GALNTL6: variants seen among roughly 807,000 people sequenced by gnomAD.
The protein encoded by GALNTL6 is polypeptide N-acetylgalactosaminyltransferase like 6.
In GALNTL6, 46 loss-of-function variants were observed where a neutral mutation model predicts 73.7. That is an observed-to-expected ratio of 0.62 (90% CI 0.49 to 0.80). GALNTL6 has a LOEUF of 0.80. Among genes scored for constraint, GALNTL6 ranks in the 30% least tolerant of loss-of-function variants. The pLI, the probability that GALNTL6 is intolerant of heterozygous loss-of-function variation, is 0.00. For synonymous variants in GALNTL6, 259 were observed against 263.7 expected, an observed-to-expected ratio of 0.98 and a Z score of 0.17; for missense variants, 604 against 755.0, an observed-to-expected ratio of 0.80 and a Z score of 2.34.
intron 2 of GALNTL6, among the ~76,000 whole-genome samples, chr4:171,899,236 C>T (rs1435204452): frequency 6.6e-6 from 1 of 151,122 alleles, no homozygotes; most frequent in South Asian, 2.1e-4. Context: ...TTTGTGTTAC[C>T]CTATGGCAAA....
chr4:172,891,638 A>T (rs779932323), intron 8 of GALNTL6, among the ~76,000 whole-genome samples: 18 of 152,104 alleles, frequency 1.2e-4, no homozygotes, highest in Non-Finnish European at 2.4e-4. Context: ...CTTGTATAGT[A>T]TCTTGCAGGA....
chr4:172,034,223 CA>C (rs1741857917), intron 2 of GALNTL6, among the ~76,000 whole-genome samples: 1 of 152,066 alleles, frequency 6.6e-6, no homozygotes, highest in Non-Finnish European at 1.5e-5. Context: ...CCTGAGTTCT[CA>C]AAGTGCTCTG....
chr4:172,979,044 T>C (rs1454019557), intron 10 of GALNTL6, among the ~76,000 whole-genome samples: 2 of 152,258 alleles, frequency 1.3e-5, no homozygotes, highest in African/African-American at 4.8e-5. Context: ...GTCTGGTACA[T>C]GACGAGTAAT....
At chr4:172,134,847 G>T (rs1225216044) in intron 2 of GALNTL6, among the ~76,000 whole-genome samples, 1 of 152,176 alleles carries the variant, frequency 6.6e-6, no homozygotes, top group African/African-American at 2.4e-5. Context: ...CATGTGGCTT[G>T]TCCCTCCTCT....
intron 5 of GALNTL6, among the ~76,000 whole-genome samples, chr4:172,740,226 C>T (rs1047743193): frequency 5.9e-5 from 9 of 152,072 alleles, no homozygotes; most frequent in African/African-American, 1.4e-4. Context: ...GAAAAACAGA[C>T]ACCACACCAG....
chr4:172,175,466 T>C (rs894222181), intron 2 of GALNTL6, among the ~76,000 whole-genome samples: 9 of 152,042 alleles, frequency 5.9e-5, no homozygotes, highest in Non-Finnish European at 1.0e-4. Context: ...GATTGTGAGA[T>C]GGAAATAAGA....
At chr4:172,224,482 A>C (rs1007904951) in intron 2 of GALNTL6, among the ~76,000 whole-genome samples, 11 of 152,236 alleles carry the variant, frequency 7.2e-5, no homozygotes, top group Admixed American at 2.6e-4. Context: ...TTTAGAATAC[A>C]GATAATCTTT....
intron 2 of GALNTL6, among the ~76,000 whole-genome samples, chr4:172,042,500 T>C (rs1742111211): frequency 6.6e-6 from 1 of 152,016 alleles, no homozygotes; most frequent in African/African-American, 2.4e-5. Flanking sequence ...CACTTCAAAC[T>C]TGTATATTCA....
At chr4:172,615,350 C>T (rs191150019) in intron 5 of GALNTL6, among the ~76,000 whole-genome samples, 272 of 152,192 alleles carry the variant, frequency 1.8e-3, no homozygotes, top group Non-Finnish European at 2.7e-3. Flanking sequence ...TTCAGCAGTG[C>T]ATTTTTACTT....
intron 2 of GALNTL6, among the ~76,000 whole-genome samples, chr4:172,006,452 A>G (rs531088502): frequency 6.6e-6 from 1 of 152,072 alleles, no homozygotes; most frequent in Admixed American, 6.6e-5. Context: ...ACATAGTGAG[A>G]CCCTTTCTTT....
At chr4:172,022,165 A>G (rs1741426058) in intron 2 of GALNTL6, among the ~76,000 whole-genome samples, 1 of 152,052 alleles carries the variant, frequency 6.6e-6, no homozygotes, top group African/African-American at 2.4e-5. Context: ...AGACTGGGAG[A>G]AAATATTTGC....
chr4:172,745,418 A>G (rs1035867668), intron 5 of GALNTL6, among the ~76,000 whole-genome samples: 7 of 129,452 alleles, frequency 5.4e-5, no homozygotes, highest in Non-Finnish European at 8.4e-5. Flanking sequence ...GAAAATTATT[A>G]TCTTTTCAAA....
intron 7 of GALNTL6, among the ~76,000 whole-genome samples, chr4:172,875,021 T>G (rs1195935057): frequency 2.0e-5 from 3 of 152,068 alleles, no homozygotes; most frequent in Non-Finnish European, 4.4e-5. Context: ...ACAGGCACCA[T>G]AGCAAGGTGA....
At chr4:172,992,178 A>T (rs961311067) in intron 10 of GALNTL6, among the ~76,000 whole-genome samples, 1 of 152,256 alleles carries the variant, frequency 6.6e-6, no homozygotes, top group African/African-American at 2.4e-5. Context: ...CACAGGACAG[A>T]ACTGCAGATA....
intron 4 of GALNTL6, among the ~76,000 whole-genome samples, chr4:172,332,307 G>C (rs1344842418): frequency 6.6e-6 from 1 of 151,864 alleles, no homozygotes; most frequent in Non-Finnish European, 1.5e-5. Context: ...TAATTATCTA[G>C]TCAGAGTGTT....
chr4:172,320,451 A>C (rs182674164), intron 4 of GALNTL6, among the ~76,000 whole-genome samples: 1 of 152,348 alleles, frequency 6.6e-6, no homozygotes, highest in East Asian at 1.9e-4. Context: ...ACTTCTTTGC[A>C]ACGTTGCATA....
At position 172,256,635 on chromosome 4, in the gene GALNTL6, A is replaced by G. The variant is rs1738087340; in HGVS notation, c.247+26871A>G. Reference sequence around the variant, plus strand: ...ATTCCTCAAACTCTGTTCTTTCCCAATTTTTGTCTTTCCACTGACTCTTTT... The same window carrying G: ...ATTCCTCAAACTCTGTTCTTTCCCAGTTTTTGTCTTTCCACTGACTCTTTT... On this transcript the variant is annotated intron_variant, in intron 3 of 12. Transcript: ENST00000506823. 4.0e-5 allele frequency among the ~76,000 whole-genome samples: 6 copies of G among 150,974 alleles called. No homozygotes were observed. The South Asian group carries it at 8.3e-4, about 21-fold the overall frequency.
rs546878731 is a variant in GALNTL6, at chr4:172,832,694, C to T, written c.923+18971C>T. Among the ~76,000 whole-genome samples the T allele has an allele frequency of 9.9e-5, 15 of 152,252 alleles. No homozygotes were observed. The East Asian group carries it at 2.1e-3, about 22-fold the overall frequency. On this transcript the variant is annotated intron_variant, in intron 7 of 12. Coordinates refer to ENST00000506823, the MANE Select transcript of GALNTL6 (RefSeq NM_001034845.3). ...CCTGAGGAGCAAGGGGGTCAGTGGG[C>T]TCACACAGCCCAGTGCCAGAAAGGC...
intron 8 of GALNTL6, among the ~76,000 whole-genome samples, chr4:172,893,203 G>A (rs575471268): frequency 1.8e-4 from 28 of 152,268 alleles, no homozygotes; most frequent in African/African-American, 6.7e-4. Flanking sequence ...GGTGTTCCAC[G>A]CTGTAGGGAT....
Sources: gnomAD v4.1 joint callset for allele counts (sites outside exome capture counted in the v4.1 genomes callset) on GRCh38, gnomAD v4.1.1 for gene constraint, MANE v1.5 for transcripts, NCBI Gene and HGNC (gene_info 2026-07-23, HGNC 2026-07-21) for gene names.